The following ANKRD30B variants were observed in gnomAD, a reference collection of about 807,000 sequenced individuals.
ANKRD30B encodes the protein ankyrin repeat domain-containing protein 30B.
ANKRD30B carries 144 observed loss-of-function variants against 202.2 expected under a neutral mutation model. The observed-to-expected ratio is 0.71, with a 90% CI of 0.62 to 0.82. The LOEUF (loss-of-function observed/expected upper bound fraction) is 0.82, where lower values mean the gene tolerates loss of function less well. Among genes scored for constraint, ANKRD30B ranks in the 40% least tolerant of loss-of-function variants. ANKRD30B has a pLI of 0.00. For synonymous variants in ANKRD30B, 508 were observed against 561.3 expected, an observed-to-expected ratio of 0.91 and a Z score of 1.34; for missense variants, 1,487 against 1,669.1, an observed-to-expected ratio of 0.89 and a Z score of 1.90.
chr18:14,902,055 A>C, the ANKRD30B span, among the ~76,000 whole-genome samples: 1 of 152,158 alleles, frequency 6.6e-6, no homozygotes, highest in Non-Finnish European at 1.5e-5. Context: ...ACCAAGGAAA[A>C]ATGAGGATGA....
At chr18:14,892,033 C>T in the ANKRD30B span, among the ~76,000 whole-genome samples, 56 of 152,254 alleles carry the variant, frequency 3.7e-4, no homozygotes, top group East Asian at 9.8e-3. Context: ...TACCTTTGCA[C>T]CAAACTAATA....
the ANKRD30B span, among the ~76,000 whole-genome samples, chr18:14,860,693 A>G: frequency 2.6e-5 from 4 of 151,832 alleles, no homozygotes; most frequent in East Asian, 7.8e-4. Flanking sequence ...TAAAGAAAAA[A>G]AAATGCCATC....
the ANKRD30B span, among the ~76,000 whole-genome samples, chr18:14,939,750 TAAAG>T: frequency 2.0e-5 from 3 of 152,122 alleles, no homozygotes; most frequent in Non-Finnish European, 4.4e-5. Context: ...ATAAATATAA[TAAAG>T]TAGTTCATTT....
chr18:14,938,995 G>A, the ANKRD30B span, among the ~76,000 whole-genome samples: 2 of 152,200 alleles, frequency 1.3e-5, no homozygotes, highest in Admixed American at 1.3e-4. Context: ...GCCACAGGCT[G>A]CTGTCATCTA....
the ANKRD30B span, among the ~76,000 whole-genome samples, chr18:14,889,286 C>CA: frequency 6.6e-6 from 1 of 152,214 alleles, no homozygotes; most frequent in Non-Finnish European, 1.5e-5. Flanking sequence ...CTGCCTCCCT[C>CA]AGGTGAGAGA....
the ANKRD30B span, among the ~76,000 whole-genome samples, chr18:14,861,218 A>G: frequency 6.6e-6 from 1 of 152,236 alleles, no homozygotes; most frequent in African/African-American, 2.4e-5. Flanking sequence ...CAATTAAACA[A>G]TTGAGACTAC....
the ANKRD30B span, among the ~76,000 whole-genome samples, chr18:14,898,365 CAA>C: frequency 6.6e-6 from 1 of 152,052 alleles, no homozygotes; most frequent in African/African-American, 2.4e-5. Context: ...ATAAGGAGCG[CAA>C]AACCTAGATC....
At chr18:14,906,825 T>C in the ANKRD30B span, among the ~76,000 whole-genome samples, 2 of 148,988 alleles carry the variant, frequency 1.3e-5, no homozygotes, top group African/African-American at 5.0e-5. Flanking sequence ...CTTGGTTTTA[T>C]ACATTTTAGG....
At chr18:14,878,941 C>G in the ANKRD30B span, among the ~76,000 whole-genome samples, 8 of 152,198 alleles carry the variant, frequency 5.3e-5, no homozygotes, top group Non-Finnish European at 1.2e-4. Flanking sequence ...GAGGGCGGAG[C>G]TGAGTTCTCC....
chr18:14,795,507 T>G (rs781659197), intron 16 of ANKRD30B, among the ~76,000 whole-genome samples: 2 of 152,184 alleles, frequency 1.3e-5, no homozygotes, highest in African/African-American at 4.8e-5. Context: ...TGTATTAGTT[T>G]GTGGATGGGT....
the ANKRD30B span, among the ~76,000 whole-genome samples, chr18:14,929,217 C>T: frequency 6.6e-6 from 1 of 152,202 alleles, no homozygotes; most frequent in East Asian, 1.9e-4. Flanking sequence ...CCTTTTCTTT[C>T]TCTTGCCTGA....
chr18:14,922,114 T>A, the ANKRD30B span, among the ~76,000 whole-genome samples: 1 of 152,152 alleles, frequency 6.6e-6, no homozygotes, highest in Admixed American at 6.5e-5. Context: ...TTCCTCATCT[T>A]CTGGCAGGAG....
chr18:14,832,564 G>C (rs1369552614), intron 34 of ANKRD30B, among the ~76,000 whole-genome samples: 1 of 152,122 alleles, frequency 6.6e-6, no homozygotes, highest in African/African-American at 2.4e-5. Context: ...AAACATACTT[G>C]TGTGCATCCT....
In ANKRD30B at chr18:14,757,157, A is replaced by G. The variant is rs58817167; in HGVS notation, c.618-658A>G. 2.4e-3 allele frequency among the ~76,000 whole-genome samples: 363 copies of G among 152,334 alleles called. 2 individuals are homozygous for G. The highest frequency in any genetic ancestry group is 8.4e-3 in the African/African-American group (350 of 41,582). ...TTGATTAATATTTTAGTTAATTAAG[A>G]TAAGCCATAGGTGAATGATAAAGAG... On this transcript the variant is annotated intron_variant, in intron 4 of 43. Transcript: ENST00000690538.
chr18:14,926,708 T>C, the ANKRD30B span, among the ~76,000 whole-genome samples: 2 of 152,308 alleles, frequency 1.3e-5, no homozygotes, highest in African/African-American at 4.8e-5. Context: ...GAGGATCACT[T>C]GAGCCCAAGA....
Position 14,772,194 on chromosome 18 carries a change from CA to C in ANKRD30B, c.1299del (p.Val434LeufsTer35). 1 of 1,507,336 alleles carries C rather than the reference CA, an allele frequency of 6.6e-7. No homozygotes were observed. The highest frequency in any genetic ancestry group is 8.9e-7 in the Non-Finnish European group (1 of 1,121,370). 93.4% of individuals were successfully genotyped at this position (1,507,336 alleles called of 1,614,324 possible). ...CGGACTATTGAAAATTCACAGTGTA[CA>C]AAAGTTGAGGAAGACTTTAATCTTG... is the stretch of plus-strand genomic sequence containing the variant. Reference protein sequence around the residue: ...GTRTIENSQCTKVEEDFNLAT... With the variant: ...GTRTIENSQCXKVEEDFNLAT... On this transcript the variant is annotated frameshift_variant, in exon 9 of 44. Transcript: ENST00000690538. LOFTEE classifies it high-confidence loss of function.
chr18:14,781,158 A>C (rs1281266361), intron 11 of ANKRD30B, among the ~76,000 whole-genome samples: 1 of 152,266 alleles, frequency 6.6e-6, no homozygotes, highest in Non-Finnish European at 1.5e-5. Context: ...CATAAACATA[A>C]GTTTTCCTTA....
chr18:14,772,244 G>A lies in ANKRD30B; in HGVS notation c.1329+16G>A. The A allele has an allele frequency of 6.9e-7, 1 of 1,459,316 alleles. No individual in the cohort carries two copies. Among genetic ancestry groups the A allele is most frequent in the Non-Finnish European group, 9.2e-7 (1 of 1,088,246 alleles). 90.4% of individuals were successfully genotyped at this position (1,459,316 alleles called of 1,614,324 possible). On this transcript the variant is annotated intron_variant, in intron 9 of 43. Transcript: ENST00000690538. ...TGCTACCAAGGTAAAATGTTCTTTT[G>A]TGAAGTTGATTTTCTCAGTTGCAAT... is the stretch of plus-strand genomic sequence containing the variant.
chr18:14,791,409 T>C lies in ANKRD30B; in HGVS notation c.1743T>C (p.Cys581=). Residue 581 remains cysteine (C), a synonymous_variant, in exon 16 of 44, where the codon TGT becomes TGC. Coordinates refer to ENST00000690538, the MANE Select transcript of ANKRD30B (RefSeq NM_001367607.2). ...EENSWDSESP[C]ETVSQKDVYL... ...GATATTACTTTTAACAGAGTCCCTG[T>C]GAGACGGTTTCACAGAAGGATGTGT... is the stretch of plus-strand genomic sequence containing the variant. 1 of 1,608,028 alleles carries C rather than the reference T, an allele frequency of 6.2e-7. No individual in the cohort carries two copies. The highest frequency in any genetic ancestry group is 1.1e-5 in the South Asian group (1 of 89,762).
Sources: allele counts gnomAD v4.1 joint callset (sites outside exome capture counted in the v4.1 genomes callset), GRCh38; gene constraint gnomAD v4.1.1; transcripts MANE v1.5; gene names NCBI Gene and HGNC (gene_info 2026-07-23, HGNC 2026-07-21).